The following ART3 variants were observed in gnomAD, a reference collection of about 807,000 sequenced individuals.
ART3 encodes ecto-ADP-ribosyltransferase 3.
In ART3, 49 loss-of-function variants were observed where a neutral mutation model predicts 48.5. That is an observed-to-expected ratio of 1.01 (90% confidence interval 0.80 to 1.28). The LOEUF (loss-of-function observed/expected upper bound fraction) is 1.28. ART3 is among the 50% of genes most tolerant of loss of function. The pLI is 0.00. For missense variants in ART3, 438 were observed against 454.3 expected (o/e 0.96, Z 0.33); for synonymous variants, 145 against 157.2 (o/e 0.92, Z 0.58).
intron 1 of ART3, chr4:76,041,221 A>G (rs1734944202): frequency 6.6e-6 from 1 of 152,186 alleles, no homozygotes; most frequent in South Asian, 2.1e-4. Context: ...ACGTGTCTTC[A>G]GGATTGTGAC....
chr4:76,056,227 G>C (rs896137708), intron 1 of ART3, among the ~76,000 whole-genome samples: 1 of 152,100 alleles, frequency 6.6e-6, no homozygotes, highest in Non-Finnish European at 1.5e-5. Flanking sequence ...GCTCATTCTA[G>C]GTCCCTTTCC....
At chr4:76,030,266 C>T (rs887567479) in intron 1 of ART3, among the ~76,000 whole-genome samples, 1 of 152,140 alleles carries the variant, frequency 6.6e-6, no homozygotes, top group African/African-American at 2.4e-5. Context: ...CCATGTTGGC[C>T]AGGCTGGTCT....
At chr4:76,019,611 G>T (rs559974056) in intron 1 of ART3, among the ~76,000 whole-genome samples, 1 of 128,238 alleles carries the variant, frequency 7.8e-6, no homozygotes, top group Non-Finnish European at 1.7e-5. Context: ...CCGCCACTAC[G>T]CCTGGCTAAT....
At position 76,082,237 on chromosome 4, in the gene ART3, A is replaced by G. The variant is rs768925607; in HGVS notation, c.483A>G (p.Val161=). ...KPCEASSKTV[V]YRTSQGTSFT... is the part of the protein sequence containing the mutation. ...GTGAGGCCAGTTCCAAAACTGTGGT[A>G]TATAGAACAAGCCAGGGCACTTCAT... The change falls in exon 3 of 12, where the codon GTA becomes GTG. Residue 161 remains valine (V), a synonymous_variant. Transcript: ENST00000355810. The G allele has an allele frequency of 1.9e-6, 3 of 1,614,228 alleles. No homozygotes were observed. The highest frequency in any genetic ancestry group is 8.5e-7 in the Non-Finnish European group (1 of 1,180,046).
chr4:76,072,978 G>A (rs142906224), upstream of ART3, among the ~76,000 whole-genome samples: 252 of 152,194 alleles, frequency 1.7e-3, 1 homozygote, highest in African/African-American at 5.9e-3. Context: ...CACTCCATGC[G>A]CTCCTAGTCT....
chr4:76,046,814 A>T (rs572973104), intron 1 of ART3, among the ~76,000 whole-genome samples: 16 of 152,154 alleles, frequency 1.1e-4, no homozygotes, highest in African/African-American at 3.8e-4. Context: ...ACAACTGAGG[A>T]TGTGGGAGAA....
intron 2 of ART3, among the ~76,000 whole-genome samples, chr4:76,081,203 A>G (rs924117461): frequency 1.3e-5 from 2 of 152,168 alleles, no homozygotes; most frequent in African/African-American, 4.8e-5. Flanking sequence ...CATGGGACTA[A>G]AGAATAACTG....
At chr4:76,013,670 T>G (rs1404309829) in intron 1 of ART3, among the ~76,000 whole-genome samples, 1 of 152,240 alleles carries the variant, frequency 6.6e-6, no homozygotes. Flanking sequence ...GTATTTCCCA[T>G]CTTTGAAACT....
At chr4:76,062,040 G>T (rs1719264799) in intron 1 of ART3, among the ~76,000 whole-genome samples, 1 of 152,202 alleles carries the variant, frequency 6.6e-6, no homozygotes, top group South Asian at 2.1e-4. Context: ...GAGCATTTGA[G>T]TTTGGTATTT....
At chr4:76,028,325 A>T (rs1733593031) in intron 1 of ART3, among the ~76,000 whole-genome samples, 1 of 152,242 alleles carries the variant, frequency 6.6e-6, no homozygotes, top group African/African-American at 2.4e-5. Flanking sequence ...TGGTATAATC[A>T]CGTTCCTAGA....
At chr4:76,099,583 G>C (rs1281674002) in intron 5 of ART3, 2 of 156,506 alleles carry the variant, frequency 1.3e-5, no homozygotes, top group African/African-American at 4.8e-5. Context: ...CTTAGGTATA[G>C]CTCTGTATTC....
At chr4:76,031,098 G>A (rs1466394706) in intron 1 of ART3, among the ~76,000 whole-genome samples, 2 of 152,100 alleles carry the variant, frequency 1.3e-5, no homozygotes, top group Non-Finnish European at 2.9e-5. Flanking sequence ...CAAAGTGTGG[G>A]ACACTACCAT....
chr4:76,048,387 T>C (rs4331799), intron 1 of ART3, among the ~76,000 whole-genome samples: 89,593 of 151,430 alleles, frequency 0.59, 27,637 homozygotes, highest in East Asian at 0.94. Context: ...AAATGAGCCA[T>C]CTCTTTTTCA....
At chr4:76,108,717 AAAC>A (rs1426385903) in intron 11 of ART3, among the ~76,000 whole-genome samples, 1 of 152,178 alleles carries the variant, frequency 6.6e-6, no homozygotes, top group African/African-American at 2.4e-5. Flanking sequence ...GTCGTTGTGC[AAAC>A]ATCATAGTGT....
chr4:76,095,283 G>A (rs1725746400), intron 3 of ART3, among the ~76,000 whole-genome samples: 1 of 152,160 alleles, frequency 6.6e-6, no homozygotes, highest in Admixed American at 6.5e-5. Flanking sequence ...TGAGGCAGGT[G>A]GATCATCCAA....
At chr4:76,037,167 A>T (rs958280428) in intron 1 of ART3, 1 of 152,576 alleles carries the variant, frequency 6.6e-6, no homozygotes, top group African/African-American at 2.4e-5. Context: ...TAGGGATCAT[A>T]AAAAAAAGTG....
At chr4:76,021,130 A>G (rs925823087) in intron 1 of ART3, 5 of 152,290 alleles carry the variant, frequency 3.3e-5, no homozygotes, top group Non-Finnish European at 7.3e-5. Flanking sequence ...AGTTATAATT[A>G]CTTTATTAAC....
chr4:76,023,571 C>T (rs897755462), intron 1 of ART3: 4 of 692,598 alleles, frequency 5.8e-6, no homozygotes, highest in East Asian at 5.3e-5. Flanking sequence ...TGGATAAGGG[C>T]ATTACAGTTG....
chr4:76,050,038 G>C lies in ART3; in HGVS notation c.-9-25843G>C, dbSNP rs199723272. On this transcript the variant is annotated intron_variant, in intron 1 of 9. Coordinates refer to the ART3 transcript ENST00000341029. ...GCGTCTGGAGTTGTTCGTTCCTCCCGGTGGGCTTATGGTCTCACTGGCTCA... is the reference window on the plus strand; with the variant it reads ...GCGTCTGGAGTTGTTCGTTCCTCCCCGTGGGCTTATGGTCTCACTGGCTCA... 7.2e-5 allele frequency among the ~76,000 whole-genome samples: 11 copies of C among 151,918 alleles called. No homozygotes were observed. In the East Asian group the frequency reaches 1.9e-3, roughly 27 times the overall value.
Sources: gnomAD v4.1 joint callset for allele counts (sites outside exome capture counted in the v4.1 genomes callset) on GRCh38, gnomAD v4.1.1 for gene constraint, MANE v1.5 for transcripts, NCBI Gene and HGNC (gene_info 2026-07-23, HGNC 2026-07-21) for gene names.